The following FZD6 variants were observed in gnomAD, a reference collection of about 807,000 sequenced individuals.
The protein encoded by FZD6 is frizzled-6.
A neutral mutation model predicts 61.4 loss-of-function variants in FZD6; 49 were observed. The ratio of observed to expected loss-of-function variants is 0.80; its 90% CI spans 0.63 to 1.01. FZD6 has a LOEUF of 1.01. Among genes scored for constraint, FZD6 ranks in the 50% least tolerant of loss-of-function variants. The pLI, the probability that FZD6 is intolerant of heterozygous loss-of-function variation, is 0.00. For synonymous variants in FZD6, 265 were observed against 292.2 expected (o/e 0.91, Z 0.95); for missense variants, 724 against 848.2 (o/e 0.85, Z 1.82).
chr8:103,306,415 T>C (rs1041727789), intron 2 of FZD6, among the ~76,000 whole-genome samples: 3 of 152,090 alleles, frequency 2.0e-5, no homozygotes, highest in African/African-American at 7.2e-5. Flanking sequence ...AAACAGTATT[T>C]GCCCAGTGAA....
At chr8:103,301,809 G>A (rs978113879) in intron 2 of FZD6, among the ~76,000 whole-genome samples, 5 of 152,086 alleles carry the variant, frequency 3.3e-5, no homozygotes, top group Non-Finnish European at 7.4e-5. Flanking sequence ...TTATAAGATG[G>A]TAGCAACTAG....
chr8:103,325,094 G>A lies in FZD6; in HGVS notation c.988G>A (p.Val330Ile). ...GCAAAAAGCAGTGTGGTTTCATGCT[G>A]TTGCATGGGGAACACCAGGTTTCCT... ...IEQKAVWFHA[V>I]AWGTPGFLTV... The change falls in exon 4 of 7, where the codon GTT (valine) becomes ATT (isoleucine). Residue 330 changes from valine to isoleucine, a missense_variant. Val to Ile is a conservative substitution (Grantham distance 29, BLOSUM62 3). Transcript: ENST00000358755. 3.1e-6 allele frequency: 5 copies of A among 1,614,168 alleles called. No homozygotes were observed. The highest frequency in any genetic ancestry group is 4.2e-6 in the Non-Finnish European group (5 of 1,179,994).
chr8:103,323,318 A>G (rs1410198943), intron 3 of FZD6, among the ~76,000 whole-genome samples: 2 of 125,332 alleles, frequency 1.6e-5, no homozygotes, highest in African/African-American at 6.2e-5. Flanking sequence ...TTGACATAAT[A>G]TTATGTTTTA....
At chr8:103,306,695 C>T (rs1243501436) in intron 2 of FZD6, among the ~76,000 whole-genome samples, 2 of 151,442 alleles carry the variant, frequency 1.3e-5, no homozygotes, top group Admixed American at 6.6e-5. Flanking sequence ...TTAGTAGAGA[C>T]GGGGTTTAAC....
intron 2 of FZD6, among the ~76,000 whole-genome samples, chr8:103,302,078 G>C (rs1233504384): frequency 6.6e-6 from 1 of 151,456 alleles, no homozygotes; most frequent in Admixed American, 6.6e-5. Context: ...TAAATTTAAG[G>C]ATACAAAAGA....
At chr8:103,301,763 CAA>C (rs1040773234) in intron 2 of FZD6, among the ~76,000 whole-genome samples, 19 of 152,120 alleles carry the variant, frequency 1.2e-4, no homozygotes, top group Non-Finnish European at 4.4e-5. Flanking sequence ...CACCTAGACT[CAA>C]GAGAGATGCA....
chr8:103,299,376 G>A (rs1184978467), intron 1 of FZD6, among the ~76,000 whole-genome samples: 1 of 152,192 alleles, frequency 6.6e-6, no homozygotes, highest in African/African-American at 2.4e-5. Context: ...ACAGATTTGC[G>A]CACTTTCCTT....
chr8:103,331,591 T>C lies in FZD6; in HGVS notation c.*82T>C. 1 of 969,986 alleles carries C rather than the reference T, an allele frequency of 1.0e-6. No homozygotes were observed. Among genetic ancestry groups the C allele is most frequent in the Non-Finnish European group, 1.6e-6 (1 of 610,462 alleles). 60.1% of individuals were successfully genotyped at this position (969,986 alleles called of 1,614,324 possible). ...TGCACTGTTTTGTAAGAATCACTGT[T>C]ACATTCTTCTTTTGCACTTAAAGTT... On this transcript the variant is annotated 3_prime_UTR_variant, in exon 7 of 7. Transcript: ENST00000358755.
At chr8:103,301,865 A>G (rs1430121610) in intron 2 of FZD6, among the ~76,000 whole-genome samples, 1 of 152,154 alleles carries the variant, frequency 6.6e-6, no homozygotes, top group Non-Finnish European at 1.5e-5. Flanking sequence ...TTTACTTTCA[A>G]AAAAATTACT....
At position 103,330,057 on chromosome 8, in the gene FZD6, T is replaced by A. The variant is rs758912519; in HGVS notation, c.1944T>A (p.Ser648Arg). ...GCAGTGTATCTGAAAGTGCGCGGAG[T>A]GAAGGAAGGTGAGATTTGATTTTAT... ...QAGSVSESAR[S>R]EGRISPKSDI... Residue 648 changes from serine to arginine, a missense_variant, in exon 6 of 7, where the codon AGT becomes AGA. Coordinates refer to ENST00000358755, the MANE Select transcript of FZD6 (RefSeq NM_003506.4). 6.2e-7 allele frequency: 1 copy of A among 1,613,098 alleles called. No individual in the cohort carries two copies. Among genetic ancestry groups the A allele is most frequent in the South Asian group, 1.1e-5 (1 of 91,056 alleles).
At chr8:103,326,570 A>C (rs143193145) in intron 4 of FZD6, among the ~76,000 whole-genome samples, 201 of 152,082 alleles carry the variant, frequency 1.3e-3, no homozygotes, top group African/African-American at 4.6e-3. Flanking sequence ...TGTAAAATAT[A>C]ATAGAATTAG....
intron 2 of FZD6, among the ~76,000 whole-genome samples, chr8:103,313,282 A>T (rs751174371): frequency 1.3e-5 from 2 of 152,220 alleles, no homozygotes; most frequent in Non-Finnish European, 2.9e-5. Flanking sequence ...TAGCCATAGA[A>T]TTGGTAAAAG....
At chr8:103,310,166 T>C (rs1212234868) in intron 2 of FZD6, among the ~76,000 whole-genome samples, 1 of 152,232 alleles carries the variant, frequency 6.6e-6, no homozygotes, top group Non-Finnish European at 1.5e-5. Flanking sequence ...GTCTCTTATG[T>C]GAATGGGAAG....
chr8:103,326,705 A>C (rs1362482413), intron 4 of FZD6, among the ~76,000 whole-genome samples: 2 of 40,182 alleles, frequency 5.0e-5, no homozygotes, highest in East Asian at 5.0e-4. Context: ...AAAAAAAAAC[A>C]AACAAACAAT....
In FZD6 at chr8:103,315,596, C is replaced by T. The variant is rs73699763; in HGVS notation, c.178-2994C>T. Among the ~76,000 whole-genome samples, 1,267 of 152,122 alleles carry T rather than the reference C, an allele frequency of 8.3e-3. 11 individuals are homozygous for T. The highest frequency in any genetic ancestry group is 0.029 in the African/African-American group (1,214 of 41,470). On this transcript the variant is annotated intron_variant, in intron 2 of 6. Coordinates refer to ENST00000358755, the MANE Select transcript of FZD6 (RefSeq NM_003506.4). ...AGAAGGCAGATCAGTTGTTGTCAGG[C>T]GTGAGAGTTACTGAGGGGGTGAGGA...
chr8:103,328,198 A>G (rs555570719), intron 4 of FZD6, 70 bp from the exon 5 acceptor site: 1 of 1,168,572 alleles, frequency 8.6e-7, no homozygotes, highest in Non-Finnish European at 1.3e-6. Context: ...TTCGTTTTAT[A>G]TTGACAATAT....
At chr8:103,327,366 G>C (rs539393422) in intron 4 of FZD6, among the ~76,000 whole-genome samples, 1 of 152,310 alleles carries the variant, frequency 6.6e-6, no homozygotes, top group Admixed American at 6.5e-5. Context: ...AGGCTGAGGA[G>C]GGCGGATTGC....
intron 2 of FZD6, among the ~76,000 whole-genome samples, chr8:103,312,522 T>G (rs1169315866): frequency 1.3e-5 from 2 of 152,248 alleles, no homozygotes; most frequent in Non-Finnish European, 2.9e-5. Flanking sequence ...TGCTAAATCC[T>G]AGTTTAATGA....
chr8:103,325,517 A>G lies in FZD6; in HGVS notation c.1392+19A>G, dbSNP rs780764882. ...TTATCAGGTAAAAGCTATCACTTGG[A>G]TTATGTCTCTATTTACATTTAATGT... On this transcript the variant is annotated intron_variant, in intron 4 of 6. Transcript: ENST00000358755. The G allele has an allele frequency of 1.9e-6, 3 of 1,549,848 alleles. No homozygotes were observed.
Sources: gnomAD v4.1 joint callset for allele counts (sites outside exome capture counted in the v4.1 genomes callset) on GRCh38, gnomAD v4.1.1 for gene constraint, MANE v1.5 for transcripts, NCBI Gene and HGNC (gene_info 2026-07-23, HGNC 2026-07-21) for gene names.